The following GPHN variants were observed in gnomAD, a reference collection of about 807,000 sequenced individuals.
GPHN encodes gephyrin.
A neutral mutation model predicts 95.5 loss-of-function variants in GPHN; 17 were observed. The observed-to-expected ratio is 0.18, with a 90% CI of 0.12 to 0.27. GPHN has a LOEUF of 0.27. Among genes scored for constraint, GPHN ranks in the 10% least tolerant of loss-of-function variants. The pLI is 1.00. For synonymous variants in GPHN, 320 were observed against 322.5 expected (o/e 0.99, Z 0.08); for missense variants, 660 against 978.1 (o/e 0.67, Z 4.34).
At chr14:67,216,272 A>T in the GPHN span, among the ~76,000 whole-genome samples, 1 of 152,156 alleles carries the variant, frequency 6.6e-6, no homozygotes, top group East Asian at 1.9e-4. Flanking sequence ...TTCATCTGGG[A>T]TACTAACCTG....
At chr14:66,978,526 A>C (rs2070414315) in intron 9 of GPHN, among the ~76,000 whole-genome samples, 1 of 152,214 alleles carries the variant, frequency 6.6e-6, no homozygotes, top group Admixed American at 6.5e-5. Context: ...GAAACTTGTC[A>C]TCTGTGAAAG....
At chr14:67,101,426 A>T (rs2077690919) in intron 13 of GPHN, among the ~76,000 whole-genome samples, 1 of 152,038 alleles carries the variant, frequency 6.6e-6, no homozygotes, top group Admixed American at 6.5e-5. Context: ...ACACTTTGAG[A>T]CCAGTAATTG....
At chr14:67,614,338 G>A in the GPHN span, among the ~76,000 whole-genome samples, 1,948 of 152,306 alleles carry the variant, frequency 0.013, 53 homozygotes, top group East Asian at 0.093. Flanking sequence ...CACTGCCTTT[G>A]AGAATTTGTA....
intron 10 of GPHN, among the ~76,000 whole-genome samples, chr14:67,055,790 G>C (rs1468394741): frequency 2.0e-5 from 3 of 152,346 alleles, no homozygotes; most frequent in Non-Finnish European, 4.4e-5. Context: ...TAAAGATGGT[G>C]TGTCCGGAGT....
intron 2 of GPHN, among the ~76,000 whole-genome samples, chr14:66,764,462 C>G (rs548178259): frequency 6.6e-6 from 1 of 151,728 alleles, no homozygotes; most frequent in South Asian, 2.1e-4. Flanking sequence ...AATCATTTTA[C>G]GGATCAGGAA....
At chr14:67,600,370 G>T in the GPHN span, 1 of 572,940 alleles carries the variant, frequency 1.7e-6, no homozygotes, top group South Asian at 2.4e-5. Flanking sequence ...GCTGATGGTT[G>T]TGCGTTCTTC....
intron 1 of GPHN, among the ~76,000 whole-genome samples, chr14:66,606,849 T>C (rs1338668946): frequency 6.6e-6 from 1 of 152,128 alleles, no homozygotes; most frequent in Non-Finnish European, 1.5e-5. Context: ...TTTGGCAGCA[T>C]CTTTAATGTT....
chr14:66,509,439 C>T (rs1464109087), intron 1 of GPHN: 2 of 152,244 alleles, frequency 1.3e-5, no homozygotes, highest in Non-Finnish European at 2.9e-5. Flanking sequence ...CGTTTCCCTC[C>T]CTCGCGAAAG....
At chr14:67,722,010 A>G in the GPHN span, among the ~76,000 whole-genome samples, 8 of 152,234 alleles carry the variant, frequency 5.3e-5, no homozygotes, top group South Asian at 1.7e-3. Context: ...AAAGCATACG[A>G]CTCAGCAGAT....
the GPHN span, chr14:67,317,452 G>T: frequency 1.9e-6 from 3 of 1,611,262 alleles, no homozygotes; most frequent in Admixed American, 1.7e-5. Flanking sequence ...GAGGAAAAAG[G>T]TTTTATATAA....
intron 5 of GPHN, among the ~76,000 whole-genome samples, chr14:66,911,993 CCAAA>C (rs2065694886): frequency 3.3e-5 from 5 of 152,150 alleles, no homozygotes; most frequent in South Asian, 4.1e-4. Flanking sequence ...TTGCACCTCT[CCAAA>C]CAACTTTCTA....
intron 2 of GPHN, among the ~76,000 whole-genome samples, chr14:66,712,876 T>G (rs2069790920): frequency 6.6e-6 from 1 of 152,206 alleles, no homozygotes; most frequent in South Asian, 2.1e-4. Flanking sequence ...TGGTTTTGAT[T>G]TACATTTCTC....
intron 3 of GPHN, among the ~76,000 whole-genome samples, chr14:66,779,684 G>C (rs1238605083): frequency 1.3e-5 from 2 of 151,990 alleles, no homozygotes; most frequent in African/African-American, 4.8e-5. Flanking sequence ...GTTTTATACA[G>C]AAGCATAGAC....
chr14:67,171,520 G>C (rs2082597898), intron 21 of GPHN, among the ~76,000 whole-genome samples: 1 of 152,050 alleles, frequency 6.6e-6, no homozygotes, highest in Admixed American at 6.6e-5. Context: ...CTTGTTCTCA[G>C]CTTTTTTCGC....
chr14:67,300,344 T>TTTG, the GPHN span, among the ~76,000 whole-genome samples: 2 of 151,528 alleles, frequency 1.3e-5, no homozygotes, highest in African/African-American at 4.9e-5. Flanking sequence ...ACCTTTTTTT[T>TTTG]TTTGAGAAAG....
intron 13 of GPHN, among the ~76,000 whole-genome samples, chr14:67,108,305 ACT>A (rs762901385): frequency 1.3e-5 from 2 of 151,660 alleles, no homozygotes; most frequent in Non-Finnish European, 2.9e-5. Flanking sequence ...GGGAATGAAA[ACT>A]CTACTTTTCT....
At chr14:67,058,853 T>A (rs1594973950) in intron 11 of GPHN, 67 bp downstream of exon 11, 1 of 1,281,264 alleles carries the variant, frequency 7.8e-7, no homozygotes, top group East Asian at 2.3e-5. Flanking sequence ...TCATGTAACA[T>A]TAATGCACAG....
At chr14:67,712,640 C>G in the GPHN span, among the ~76,000 whole-genome samples, 1 of 151,784 alleles carries the variant, frequency 6.6e-6, no homozygotes, top group Non-Finnish European at 1.5e-5. Flanking sequence ...TTTAAAAAAT[C>G]TTTTAAAATC....
At chr14:66,881,050 C>A (rs2153534401) in intron 5 of GPHN, among the ~76,000 whole-genome samples, 1 of 151,894 alleles carries the variant, frequency 6.6e-6, no homozygotes, top group East Asian at 1.9e-4. Flanking sequence ...TTAAATGTGT[C>A]CATTGACTAT....
Sources: gnomAD v4.1 joint callset for allele counts (sites outside exome capture counted in the v4.1 genomes callset) on GRCh38, gnomAD v4.1.1 for gene constraint, MANE v1.5 for transcripts, NCBI Gene and HGNC (gene_info 2026-07-23, HGNC 2026-07-21) for gene names.